PLA2G7: variants seen among roughly 807,000 people sequenced by gnomAD.
PLA2G7 encodes phospholipase A2 group VII.
Under a neutral mutation model 49.6 loss-of-function variants are expected in PLA2G7, and 63 were observed. The observed-to-expected ratio is 1.27, with a 90% CI of 1.04 to 1.57. PLA2G7 has a LOEUF of 1.57. Ranked by LOEUF, PLA2G7 falls within the 40% of genes most tolerant of loss-of-function variation. The pLI is 0.00. For missense variants in PLA2G7, 596 were observed against 521.2 expected (o/e 1.14, Z -1.40); for synonymous variants, 193 against 169.9 (o/e 1.14, Z -1.06).
At chr6:46,731,188 G>A (rs559580734) in intron 1 of PLA2G7, among the ~76,000 whole-genome samples, 6 of 152,268 alleles carry the variant, frequency 3.9e-5, no homozygotes, top group Admixed American at 2.0e-4. Flanking sequence ...TGCGAAGAAC[G>A]TCACTATCCT....
chr6:46,705,493 ATTC>A (rs1474765734), intron 10 of PLA2G7, among the ~76,000 whole-genome samples, 192 bp from the exon 11 acceptor site: 7 of 152,322 alleles, frequency 4.6e-5, no homozygotes, highest in African/African-American at 1.4e-4. Flanking sequence ...CCCAGAGTAT[ATTC>A]TTCTTCCCTC....
intron 1 of PLA2G7, among the ~76,000 whole-genome samples, chr6:46,733,572 G>C (rs1488066919): frequency 6.6e-6 from 1 of 152,186 alleles, no homozygotes; most frequent in Non-Finnish European, 1.5e-5. Context: ...AAATATCTGG[G>C]GAGGGGAAAG....
At chr6:46,709,072 A>C (rs1036228063) in intron 9 of PLA2G7, among the ~76,000 whole-genome samples, 1 of 152,182 alleles carries the variant, frequency 6.6e-6, no homozygotes, top group Non-Finnish European at 1.5e-5. Context: ...TTTTCAGTGA[A>C]AAGTGTTAAC....
chr6:46,725,956 G>C (rs958473642), intron 1 of PLA2G7, among the ~76,000 whole-genome samples: 1 of 152,180 alleles, frequency 6.6e-6, no homozygotes, highest in African/African-American at 2.4e-5. Flanking sequence ...AAGATACAGG[G>C]GAAACTGTCT....
chr6:46,719,933 A>G (rs1765341079), intron 2 of PLA2G7, among the ~76,000 whole-genome samples: 1 of 152,092 alleles, frequency 6.6e-6, no homozygotes, highest in Admixed American at 6.5e-5. Context: ...TTTAAACTTT[A>G]CCTGCAAGGT....
At chr6:46,729,680 G>A (rs895066080) in intron 1 of PLA2G7, among the ~76,000 whole-genome samples, 1 of 152,190 alleles carries the variant, frequency 6.6e-6, no homozygotes, top group Non-Finnish European at 1.5e-5. Context: ...CAGCACTGCT[G>A]ACACTAGGGG....
chr6:46,705,420 T>C (rs1210673889), intron 10 of PLA2G7, 119 bp from the exon 11 acceptor site: 7 of 792,672 alleles, frequency 8.8e-6, no homozygotes, highest in Non-Finnish European at 1.5e-5. Flanking sequence ...AAAGAAGAAA[T>C]AAAACTTGTA....
At chr6:46,734,477 A>AC (rs2150718327) in intron 1 of PLA2G7, among the ~76,000 whole-genome samples, 2 of 115,552 alleles carry the variant, frequency 1.7e-5, no homozygotes, top group South Asian at 5.8e-4. Flanking sequence ...AGAGAGAGAG[A>AC]GAGAGAGAGA....
At chr6:46,711,410 G>C (rs1765015090) in intron 7 of PLA2G7, 86 bp downstream of exon 7, 3 of 1,428,632 alleles carry the variant, frequency 2.1e-6, no homozygotes, top group Non-Finnish European at 2.0e-6. Context: ...AGCATAACTT[G>C]CCAGGTGTAA....
chr6:46,705,113 G>A, intron 11 of PLA2G7, 40 bp downstream of exon 11: 1 of 1,447,980 alleles, frequency 6.9e-7, no homozygotes, highest in South Asian at 1.1e-5. Context: ...TTTGTCCTGA[G>A]ATTCATCTGG....
intron 4 of PLA2G7, 122 bp from the exon 5 acceptor site, chr6:46,714,675 ATAG>A (rs1324661777): frequency 2.8e-6 from 2 of 708,264 alleles, no homozygotes; most frequent in Non-Finnish European, 5.2e-6. Context: ...TTATGGATGA[ATAG>A]TAGATTCATT....
rs777693439 is a variant in PLA2G7 at position 46,714,479 on chromosome 6, G to C, written c.451C>G (p.His151Asp). Residue 151 changes from histidine (H) to aspartate (D), a missense_variant, in exon 5 of 12, where the codon CAT (histidine) becomes GAT (aspartate). Transcript: ENST00000274793. ...GEKYPLVVFS[H>D]GLGAFRTLYS... ...CATTACCTGAATGCCCCAAGACCAT[G>C]AGAAAAAACAACAAGTGGATATTTT... The C allele has an allele frequency of 6.2e-7, 1 of 1,610,930 alleles. No individual in the cohort carries two copies. Among genetic ancestry groups the C allele is most frequent in the Non-Finnish European group, 8.5e-7 (1 of 1,177,420 alleles).
chr6:46,719,461 TA>T (rs1765323846), intron 2 of PLA2G7, among the ~76,000 whole-genome samples: 1 of 152,074 alleles, frequency 6.6e-6, no homozygotes, highest in African/African-American at 2.4e-5. Flanking sequence ...GAGTGCCCAT[TA>T]AAGTTTAAGA....
chr6:46,732,496 G>A (rs1765765115), intron 1 of PLA2G7, among the ~76,000 whole-genome samples: 1 of 152,096 alleles, frequency 6.6e-6, no homozygotes, highest in African/African-American at 2.4e-5. Flanking sequence ...TGTGAGAGCA[G>A]AGAGCATATC....
intron 2 of PLA2G7, among the ~76,000 whole-genome samples, chr6:46,721,888 G>A (rs919801719): frequency 6.6e-6 from 1 of 152,016 alleles, no homozygotes; most frequent in East Asian, 1.9e-4. Flanking sequence ...CACCCATCAA[G>A]CTTGAACAAT....
chr6:46,725,237 T>A (rs1171906958), intron 1 of PLA2G7, among the ~76,000 whole-genome samples: 2 of 134,934 alleles, frequency 1.5e-5, no homozygotes, highest in African/African-American at 6.9e-5. Flanking sequence ...GAGCTCTAAA[T>A]TTTTTTTTTT....
At chr6:46,722,973 C>T (rs201571618) in intron 1 of PLA2G7, 48 bp from the exon 2 acceptor site, 3 of 778,940 alleles carry the variant, frequency 3.9e-6, no homozygotes, top group Middle Eastern at 3.4e-4. Context: ...AATGAAGAGG[C>T]CTTAAATAAG....
At chr6:46,716,739 C>T (rs1765215264) in intron 3 of PLA2G7, among the ~76,000 whole-genome samples, 1 of 152,162 alleles carries the variant, frequency 6.6e-6, no homozygotes, top group Non-Finnish European at 1.5e-5. Context: ...AAAATACAAG[C>T]AGCCTGGCTT....
intron 2 of PLA2G7, among the ~76,000 whole-genome samples, chr6:46,721,323 C>T (rs1765393414): frequency 6.6e-6 from 1 of 152,078 alleles, no homozygotes; most frequent in African/African-American, 2.4e-5. Flanking sequence ...GCTCAGATTA[C>T]AGGCACGAGC....
Sources: gnomAD v4.1 joint callset for allele counts (sites outside exome capture counted in the v4.1 genomes callset) on GRCh38, gnomAD v4.1.1 for gene constraint, MANE v1.5 for transcripts, NCBI Gene and HGNC (gene_info 2026-07-23, HGNC 2026-07-21) for gene names.